The following ARHGEF7 variants were observed in gnomAD, a reference collection of about 807,000 sequenced individuals.
The protein encoded by ARHGEF7 is Rho guanine nucleotide exchange factor 7.
ARHGEF7 carries 33 observed loss-of-function variants against 109.8 expected under a neutral mutation model. The observed-to-expected ratio is 0.30, with a 90% CI of 0.23 to 0.40. The LOEUF (loss-of-function observed/expected upper bound fraction) is 0.40, where lower values mean the gene tolerates loss of function less well. Ranked by LOEUF, ARHGEF7 falls within the 10% of genes least tolerant of loss-of-function variation. The pLI, the probability that ARHGEF7 is intolerant of heterozygous loss-of-function variation, is 1.00. For missense variants in ARHGEF7, 938 were observed against 1,098.5 expected (o/e 0.85, Z 2.07); for synonymous variants, 458 against 424.6 (o/e 1.08, Z -0.97).
chr13:111,295,226 G>T, intron 19 of ARHGEF7: 1 of 984,164 alleles, frequency 1.0e-6, no homozygotes, highest in Non-Finnish European at 1.2e-6. Context: ...ACATGGGGGA[G>T]GGGAATAGCA....
intron 2 of ARHGEF7, among the ~76,000 whole-genome samples, chr13:111,173,602 C>T (rs569350218): frequency 6.6e-5 from 10 of 152,324 alleles, no homozygotes; most frequent in South Asian, 2.1e-4. Flanking sequence ...ATTTCATCCA[C>T]GGATTGCTTT....
In ARHGEF7 at chr13:111,303,964, T is replaced by G. The variant is rs1269474183; in HGVS notation, c.*851T>G. On this transcript the variant is annotated 3_prime_UTR_variant, in exon 22 of 22. Transcript: ENST00000646102. The stretch of plus-strand genomic sequence containing the variant: ...TTTTGTCTTCCCTCAAAGAGAGATC[T>G]TACTAGAACCTGTAAATAGAATGTA... The G allele has an allele frequency of 1.3e-5, 2 of 152,244 alleles. No individual in the cohort carries two copies. Among genetic ancestry groups the G allele is most frequent in the Non-Finnish European group, 2.9e-5 (2 of 68,050 alleles). The allele number at this position is 152,244 out of a possible 1,614,324, so 9.4% of individuals were successfully genotyped here.
At chr13:111,149,201 G>A (rs986255724) in intron 1 of ARHGEF7, among the ~76,000 whole-genome samples, 1 of 151,788 alleles carries the variant, frequency 6.6e-6, no homozygotes, top group African/African-American at 2.4e-5. Flanking sequence ...CTTGAGCCCA[G>A]GAGTTCAAGT....
chr13:111,287,430 G>T (rs1013669281), intron 17 of ARHGEF7, among the ~76,000 whole-genome samples: 1 of 152,238 alleles, frequency 6.6e-6, no homozygotes, highest in East Asian at 1.9e-4. Flanking sequence ...GTTCATGGAC[G>T]CGTGCTTCAT....
chr13:111,206,520 A>G (rs905971138), intron 3 of ARHGEF7, among the ~76,000 whole-genome samples: 4 of 152,198 alleles, frequency 2.6e-5, no homozygotes. Flanking sequence ...CTGAGGTTTA[A>G]AGGACTGTTC....
At chr13:111,293,478 T>C in intron 19 of ARHGEF7, 2 of 985,164 alleles carry the variant, frequency 2.0e-6, no homozygotes, top group Non-Finnish European at 2.4e-6. Context: ...CTGGGATTTG[T>C]TGTAAGGAGT....
At position 111,233,421 on chromosome 13, in the gene ARHGEF7, A is replaced by G. The variant is rs557082330; in HGVS notation, c.759+128A>G. 68 of 727,860 alleles carry G rather than the reference A, an allele frequency of 9.3e-5. 1 individual carries two copies. The South Asian group carries it at 9.9e-4, about 11-fold the overall frequency. 45.1% of individuals were successfully genotyped at this position (727,860 alleles called of 1,614,324 possible). A position where few individuals can be genotyped will look rare whatever the true frequency, so the allele number is the denominator to read the frequency against. On this transcript the variant is annotated intron_variant, in intron 6 of 21. Coordinates refer to ENST00000646102, the MANE Select transcript of ARHGEF7 (RefSeq NM_001354046.2). ...ATAAAGTTCATTCATCTGCCACACA[A>G]ATGTAACCACCATTAAGGTTTTGGT...
chr13:111,301,458 TG>T lies in ARHGEF7; in HGVS notation c.2412-19del, dbSNP rs1956528024. On this transcript the variant is annotated intron_variant, in intron 20 of 21. Coordinates refer to ENST00000646102, the MANE Select transcript of ARHGEF7 (RefSeq NM_001354046.2). Reference sequence around the variant, plus strand: ...ATGCCTCACCTTGTTCATGTGTGTGTGTTCTGTTTCCTGTTTCAGGAGTCTT... The same window carrying T: ...ATGCCTCACCTTGTTCATGTGTGTGTTTCTGTTTCCTGTTTCAGGAGTCTT... 10 of 1,609,938 alleles carry T rather than the reference TG, an allele frequency of 6.2e-6. No individual in the cohort carries two copies. Among genetic ancestry groups the T allele is most frequent in the Non-Finnish European group, 8.5e-6 (10 of 1,176,860 alleles).
At chr13:111,289,464 G>A (rs1446435170) in intron 18 of ARHGEF7, among the ~76,000 whole-genome samples, 2 of 152,246 alleles carry the variant, frequency 1.3e-5, no homozygotes, top group Admixed American at 6.5e-5. Context: ...TGACATGTGG[G>A]CACGTGCTGC....
Position 111,300,792 on chromosome 13 carries a change from G to C in ARHGEF7, c.2356G>C (p.Glu786Gln). Residue 786 changes from glutamate to glutamine, a missense_variant, in exon 20 of 22, where the codon GAG becomes CAG. Glu to Gln is a conservative substitution (Grantham distance 29, BLOSUM62 2). Transcript: ENST00000646102. ...SAPQVLLPEEEKIIVEETKSN... is the reference protein window; with the variant it reads ...SAPQVLLPEEQKIIVEETKSN... ...TCCACAAGTTTTGCTTCCAGAAGAAGAGAAAATTATAGTGGAAGAAACTAA... is the reference window on the plus strand; with the variant it reads ...TCCACAAGTTTTGCTTCCAGAAGAACAGAAAATTATAGTGGAAGAAACTAA... 1.9e-6 allele frequency: 3 copies of C among 1,611,818 alleles called. No homozygotes were observed. The highest frequency in any genetic ancestry group is 2.5e-6 in the Non-Finnish European group (3 of 1,179,080).
chr13:111,126,068 T>G (rs2067538268), intron 1 of ARHGEF7, among the ~76,000 whole-genome samples: 1 of 152,260 alleles, frequency 6.6e-6, no homozygotes. Context: ...CTTAGGAAAG[T>G]GCCTTAAGAC....
chr13:111,213,460 G>A (rs955177877), intron 4 of ARHGEF7, among the ~76,000 whole-genome samples: 5 of 152,248 alleles, frequency 3.3e-5, no homozygotes, highest in Admixed American at 1.3e-4. Flanking sequence ...TAAGCACCCA[G>A]ATGAGGAGGC....
chr13:111,119,321 C>T (rs2067017296), intron 1 of ARHGEF7, among the ~76,000 whole-genome samples: 1 of 152,202 alleles, frequency 6.6e-6, no homozygotes, highest in African/African-American at 2.4e-5. Flanking sequence ...CTTCAAAATA[C>T]GAATGCTGGA....
intron 2 of ARHGEF7, among the ~76,000 whole-genome samples, chr13:111,175,990 T>C (rs187717853): frequency 1.3e-4 from 20 of 152,302 alleles, no homozygotes; most frequent in Admixed American, 5.2e-4. Context: ...GAGAACTCAC[T>C]GTCACGAGAA....
chr13:111,170,560 A>G (rs1224810763), intron 2 of ARHGEF7, among the ~76,000 whole-genome samples: 1 of 152,238 alleles, frequency 6.6e-6, no homozygotes, highest in African/African-American at 2.4e-5. Context: ...GGCCTTGCAC[A>G]AGGCTGCTCA....
chr13:111,252,026 G>T (rs1291410976), intron 8 of ARHGEF7, among the ~76,000 whole-genome samples: 2 of 152,208 alleles, frequency 1.3e-5, no homozygotes, highest in East Asian at 3.8e-4. Context: ...TGGGAGGAGT[G>T]CCCTGGGGCC....
intron 2 of ARHGEF7, among the ~76,000 whole-genome samples, chr13:111,204,824 G>A (rs2081592705): frequency 1.3e-5 from 2 of 152,182 alleles, no homozygotes; most frequent in Admixed American, 6.5e-5. Context: ...GCTCTCTGAT[G>A]TCCGCATTTT....
chr13:111,277,571 TC>T lies in ARHGEF7; in HGVS notation c.1420-15del. On this transcript the variant is annotated splice_polypyrimidine_tract_variant and intron_variant, in intron 12 of 21. Coordinates refer to ENST00000646102, the MANE Select transcript of ARHGEF7 (RefSeq NM_001354046.2). Reference sequence around the variant, plus strand: ...TGTTTTTTAAGAAATGTTTTGGATTTCTTTTTTTGTATTAGGAAAAGAATGA... The same window carrying T: ...TGTTTTTTAAGAAATGTTTTGGATTTTTTTTTTGTATTAGGAAAAGAATGA... 6.6e-7 allele frequency: 1 copy of T among 1,525,612 alleles called. No individual in the cohort carries two copies. The highest frequency in any genetic ancestry group is 9.1e-7 in the Non-Finnish European group (1 of 1,104,756). The allele number at this position is 1,525,612 out of a possible 1,614,324, so 94.5% of individuals were successfully genotyped here. A position where few individuals can be genotyped will look rare whatever the true frequency, so the allele number is the denominator to read the frequency against.
At chr13:111,282,060 C>T (rs1378393559) in intron 15 of ARHGEF7, among the ~76,000 whole-genome samples, 1 of 152,196 alleles carries the variant, frequency 6.6e-6, no homozygotes, top group African/African-American at 2.4e-5. Flanking sequence ...ACATTATTTC[C>T]TATGAAAAGA....
Sources: gnomAD v4.1 joint callset for allele counts (sites outside exome capture counted in the v4.1 genomes callset) on GRCh38, gnomAD v4.1.1 for gene constraint, MANE v1.5 for transcripts, NCBI Gene and HGNC (gene_info 2026-07-23, HGNC 2026-07-21) for gene names.